The following ATXN10 variants were observed in gnomAD, a reference collection of about 807,000 sequenced individuals.
ATXN10 encodes the protein ataxin 10.
In ATXN10, 28 loss-of-function variants were observed where a neutral mutation model predicts 52.9. That is an observed-to-expected ratio of 0.53 (90% CI 0.39 to 0.73). The LOEUF is 0.73. Among genes scored for constraint, ATXN10 ranks in the 30% least tolerant of loss-of-function variants. The pLI is 0.00. For synonymous variants in ATXN10, 226 were observed against 221.5 expected (o/e 1.02, Z -0.18); for missense variants, 565 against 577.0 (o/e 0.98, Z 0.21).
intron 10 of ATXN10, among the ~76,000 whole-genome samples, chr22:45,836,254 T>C (rs1929164364): frequency 6.6e-6 from 1 of 152,180 alleles, no homozygotes; most frequent in Non-Finnish European, 1.5e-5. Flanking sequence ...GAACAAAAGA[T>C]CATCATAGCA....
At chr22:45,797,026 A>G (rs1262333066) in intron 9 of ATXN10, among the ~76,000 whole-genome samples, 1 of 152,268 alleles carries the variant, frequency 6.6e-6, no homozygotes, top group Non-Finnish European at 1.5e-5. Context: ...CAGTTCATCA[A>G]GAAGACATAA....
chr22:45,714,705 G>C (rs1459064794), intron 5 of ATXN10, among the ~76,000 whole-genome samples: 1 of 152,166 alleles, frequency 6.6e-6, no homozygotes, highest in Non-Finnish European at 1.5e-5. Flanking sequence ...TTATGTAAAA[G>C]TTTTTGATTT....
intron 1 of ATXN10, among the ~76,000 whole-genome samples, chr22:45,685,455 C>T (rs990835332): frequency 6.6e-6 from 1 of 152,106 alleles, no homozygotes; most frequent in African/African-American, 2.4e-5. Flanking sequence ...TTTTTAAAGT[C>T]GCTGTACATT....
chr22:45,780,172 C>T lies in ATXN10; in HGVS notation c.1174-26787C>T, dbSNP rs1927098537. Among the ~76,000 whole-genome samples, 2 of 151,870 alleles carry T rather than the reference C, an allele frequency of 1.3e-5. No individual in the cohort carries two copies. Among genetic ancestry groups the T allele is most frequent in the African/African-American group, 4.8e-5 (2 of 41,304 alleles). On this transcript the variant is annotated intron_variant, in intron 9 of 11. Transcript: ENST00000252934. This position sits in a 1 kb window ranked among gnomAD's most constrained non-coding sequence, Gnocchi z 4.0. ...GATCTTGGTTCACTGCAACCTCCACCTCCCAGGTTCAAGCGATTACCCTGC... is the reference window on the plus strand; with the variant it reads ...GATCTTGGTTCACTGCAACCTCCACTTCCCAGGTTCAAGCGATTACCCTGC...
At position 45,681,621 on chromosome 22, in the gene ATXN10, A is replaced by G. The variant is rs1199417511; in HGVS notation, c.117-8091A>G. On this transcript the variant is annotated intron_variant, in intron 1 of 11. Coordinates refer to ENST00000252934, the MANE Select transcript of ATXN10 (RefSeq NM_013236.4). The surrounding 1 kb of genome is among the most constrained non-coding windows in gnomAD (Gnocchi z 4.2). ...CCTGGTAAAACTCCAGCTCTGGTCA[A>G]ATCCAACTTGTTACCTTTGCGACAG... is the stretch of plus-strand genomic sequence containing the variant. Among the ~76,000 whole-genome samples, 2 of 152,180 alleles carry G rather than the reference A, an allele frequency of 1.3e-5. No individual in the cohort carries two copies. Among genetic ancestry groups the G allele is most frequent in the East Asian group, 1.9e-4 (1 of 5,202 alleles).
At chr22:45,768,463 C>T (rs1320405562) in intron 9 of ATXN10, among the ~76,000 whole-genome samples, 3 of 152,026 alleles carry the variant, frequency 2.0e-5, no homozygotes, top group South Asian at 2.1e-4. Flanking sequence ...TCCCATAGTT[C>T]GTAATGATGC....
chr22:45,755,147 TC>T (rs1926127645), intron 9 of ATXN10, among the ~76,000 whole-genome samples: 1 of 152,236 alleles, frequency 6.6e-6, no homozygotes, highest in South Asian at 2.1e-4. Flanking sequence ...GTTCAGGACT[TC>T]CTGTGCCTGC....
At chr22:45,817,849 G>T (rs1205630071) in intron 10 of ATXN10, among the ~76,000 whole-genome samples, 1 of 152,066 alleles carries the variant, frequency 6.6e-6, no homozygotes, top group African/African-American at 2.4e-5. Flanking sequence ...AGTAAGAGCA[G>T]CCCACCGCCA....
At chr22:45,724,625 T>G (rs1168808507) in intron 6 of ATXN10, among the ~76,000 whole-genome samples, 4 of 152,262 alleles carry the variant, frequency 2.6e-5, no homozygotes, top group Non-Finnish European at 5.9e-5. Context: ...GTTGTCTGTT[T>G]ACTCTGATGA....
rs992891052 is a variant in ATXN10 at position 45,783,855 on chromosome 22, G to A, written c.1174-23104G>A. Among the ~76,000 whole-genome samples the A allele has an allele frequency of 1.2e-4, 19 of 152,222 alleles. No homozygotes were observed. Among genetic ancestry groups the A allele is most frequent in the African/African-American group, 4.1e-4 (17 of 41,464 alleles). On this transcript the variant is annotated intron_variant, in intron 9 of 11. Transcript: ENST00000252934. This position sits in a 1 kb window ranked among gnomAD's most constrained non-coding sequence, Gnocchi z 5.0. ...TTGTCATGTTTGTGTCATGCTGATG[G>A]CACGATTCCCGAGGGCACCGAGGAA... is the stretch of plus-strand genomic sequence containing the variant.
In ATXN10 at chr22:45,750,555, GAT is replaced by G. The variant is rs1925909201; in HGVS notation, c.1173+10020_1173+10021del. 6.6e-6 allele frequency among the ~76,000 whole-genome samples: 1 copy of G among 152,194 alleles called. No homozygotes were observed. Among genetic ancestry groups the G allele is most frequent in the Non-Finnish European group, 1.5e-5 (1 of 68,038 alleles). On this transcript the variant is annotated intron_variant, in intron 9 of 11. Transcript: ENST00000252934. The surrounding 1 kb of genome is among the most constrained non-coding windows in gnomAD (Gnocchi z 4.2). ...GTATGGAAGTATGGAATATGGGAAA[GAT>G]ATTAGTTATTTTTAAACTGATTTTT... is the stretch of plus-strand genomic sequence containing the variant.
chr22:45,819,024 G>A lies in ATXN10; in HGVS notation c.1237+12002G>A, dbSNP rs1053863276. ...ATGCCTAAATAATTTCACCTTAATC[G>A]TCACTATTCTAGACCAGTTGTAAGC... On this transcript the variant is annotated intron_variant, in intron 10 of 11. Transcript: ENST00000252934. This position sits in a 1 kb window ranked among gnomAD's most constrained non-coding sequence, Gnocchi z 4.5. Among the ~76,000 whole-genome samples the A allele has an allele frequency of 3.3e-5, 5 of 152,086 alleles. No individual in the cohort carries two copies. The highest frequency in any genetic ancestry group is 3.4e-3 in the Middle Eastern group (1 of 294).
rs963899874 is a variant in ATXN10, at chr22:45,769,810, G to A, written c.1173+29272G>A. Among the ~76,000 whole-genome samples, 1 of 152,192 alleles carries A rather than the reference G, an allele frequency of 6.6e-6. No homozygotes were observed. The highest frequency in any genetic ancestry group is 1.5e-5 in the Non-Finnish European group (1 of 68,030). Reference sequence around the variant, plus strand: ...TCTGATGAATGAATTTACTCTGTATGCAGTAGAGTGTGATCTGAACAAAAA... The same window carrying A: ...TCTGATGAATGAATTTACTCTGTATACAGTAGAGTGTGATCTGAACAAAAA... On this transcript the variant is annotated intron_variant, in intron 9 of 11. Transcript: ENST00000252934. The surrounding 1 kb of genome is among the most constrained non-coding windows in gnomAD (Gnocchi z 4.2).
chr22:45,709,735 A>G (rs960862404), intron 5 of ATXN10, among the ~76,000 whole-genome samples: 5 of 152,200 alleles, frequency 3.3e-5, no homozygotes, highest in African/African-American at 1.2e-4. Flanking sequence ...CTAGGTTTAC[A>G]TATACAGCTT....
At chr22:45,730,612 T>G (rs978167084) in intron 7 of ATXN10, among the ~76,000 whole-genome samples, 1 of 152,182 alleles carries the variant, frequency 6.6e-6, no homozygotes, top group Non-Finnish European at 1.5e-5. Context: ...AATTTTTGTA[T>G]TTTTGGTAGA....
chr22:45,706,677 T>A (rs1237584972), intron 5 of ATXN10, among the ~76,000 whole-genome samples: 7 of 2,842 alleles, frequency 2.5e-3, no homozygotes, highest in Admixed American at 0.024. Context: ...TGGGAGTTTG[T>A]TGTTTAATTT....
chr22:45,764,574 C>A (rs770488169), intron 9 of ATXN10, among the ~76,000 whole-genome samples: 1 of 152,136 alleles, frequency 6.6e-6, no homozygotes, highest in Non-Finnish European at 1.5e-5. Flanking sequence ...ACCCCATCAT[C>A]CTTTGTGGGT....
chr22:45,793,040 G>A, intron 9 of ATXN10: 1 of 287,176 alleles, frequency 3.5e-6, no homozygotes, highest in Non-Finnish European at 7.2e-6. Flanking sequence ...TGCAGGCTCT[G>A]CAGTTGCTTC....
In ATXN10 at chr22:45,840,110, C is replaced by T. The variant is rs139207805; in HGVS notation, c.1238-2881C>T. On this transcript the variant is annotated intron_variant, in intron 10 of 11. Transcript: ENST00000252934. The surrounding 1 kb of genome is among the most constrained non-coding windows in gnomAD (Gnocchi z 5.8). ...TACATAATTTCAATAAGGCCAGACA[C>T]GGTGGCTGTAGTCCCAGCTATTCGG... Among the ~76,000 whole-genome samples the T allele has an allele frequency of 2.0e-5, 3 of 152,260 alleles. No individual in the cohort carries two copies. Among genetic ancestry groups the T allele is most frequent in the East Asian group, 3.9e-4 (2 of 5,182 alleles).
Sources: allele counts gnomAD v4.1 joint callset (sites outside exome capture counted in the v4.1 genomes callset), GRCh38; gene constraint gnomAD v4.1.1; non-coding constraint Gnocchi (gnomAD v3.1); transcripts MANE v1.5; gene names NCBI Gene and HGNC (gene_info 2026-07-23, HGNC 2026-07-21).